TMEM131: variants seen among roughly 807,000 people sequenced by gnomAD.
TMEM131 encodes transmembrane protein 131.
In TMEM131, 66 loss-of-function variants were observed where a neutral mutation model predicts 211.6. That is an observed-to-expected ratio of 0.31 (90% CI 0.26 to 0.38). The LOEUF is 0.38. TMEM131 is among the 10% of genes least tolerant of loss of function. The probability of loss-of-function intolerance (pLI) is 1.00; values close to 1 mark genes in which losing one functional copy is unlikely to be tolerated. For synonymous variants in TMEM131, 844 were observed against 841.3 expected, an observed-to-expected ratio of 1.00 and a Z score of -0.06; for missense variants, 2,036 against 2,299.3, an observed-to-expected ratio of 0.89 and a Z score of 2.34.
chr2:97,833,807 A>T (rs1682819141), intron 10 of TMEM131, among the ~76,000 whole-genome samples: 1 of 151,988 alleles, frequency 6.6e-6, no homozygotes, highest in Admixed American at 6.5e-5. Context: ...ACAGGCATGT[A>T]CCACCATGCC....
chr2:97,885,260 C>T (rs1002810532), intron 4 of TMEM131, among the ~76,000 whole-genome samples: 52 of 145,678 alleles, frequency 3.6e-4, no homozygotes, highest in African/African-American at 1.1e-3. Context: ...GGCAGTGGCG[C>T]GATCTCCGCT....
At chr2:97,864,495 A>G (rs544826638) in intron 4 of TMEM131, among the ~76,000 whole-genome samples, 1 of 152,172 alleles carries the variant, frequency 6.6e-6, no homozygotes. Context: ...GTAATCCATA[A>G]ATATATATAT....
chr2:97,857,692 A>C (rs1308001452), intron 5 of TMEM131, among the ~76,000 whole-genome samples: 1 of 152,196 alleles, frequency 6.6e-6, no homozygotes, highest in Admixed American at 6.5e-5. Context: ...TATTAGGTAC[A>C]GGCCACTCAC....
intron 3 of TMEM131, among the ~76,000 whole-genome samples, chr2:97,893,905 G>A (rs1022019621): frequency 5.9e-5 from 9 of 152,080 alleles, no homozygotes; most frequent in Non-Finnish European, 2.9e-5. Flanking sequence ...GTCAATTTTG[G>A]CTTTTGCTGC....
At position 97,939,666 on chromosome 2, in the gene TMEM131, C is replaced by T. The variant is rs186869175; in HGVS notation, c.188-12179G>A. 2.8e-3 allele frequency among the ~76,000 whole-genome samples: 421 copies of T among 152,314 alleles called. 1 individual carries two copies. Among genetic ancestry groups the T allele is most frequent in the Admixed American group, 6.8e-3 (104 of 15,298 alleles). On this transcript the variant is annotated intron_variant, in intron 1 of 40. Transcript: ENST00000186436. ...CAGAAAAAGAGGGAATCCTCCCTAA[C>T]TCATCTTATGAGGCCAGCAACATCC...
intron 1 of TMEM131, among the ~76,000 whole-genome samples, chr2:97,975,107 T>C (rs998984120): frequency 1.3e-5 from 2 of 152,144 alleles, no homozygotes; most frequent in African/African-American, 4.8e-5. Flanking sequence ...GTATGGTCTC[T>C]GGCCAGAATG....
At chr2:97,993,538 G>C (rs560025818) in intron 1 of TMEM131, among the ~76,000 whole-genome samples, 1 of 152,148 alleles carries the variant, frequency 6.6e-6, no homozygotes, top group African/African-American at 2.4e-5. Flanking sequence ...GTTTATGATG[G>C]GTAGAGGCCT....
At position 97,805,405 on chromosome 2, in the gene TMEM131, C is replaced by G. The variant is rs1272817688; in HGVS notation, c.2255G>C (p.Cys752Ser). ...GGATAGAAAAGGCAAGCCAACATAGCAATGATCCCCACACTGTAGTCCAGG... is the reference window on the plus strand; with the variant it reads ...GGATAGAAAAGGCAAGCCAACATAGGAATGATCCCCACACTGTAGTCCAGG... The part of the protein sequence containing the change: ...FDPGLQCGDH[C>S]YVGLPFLSKS... The change falls in exon 21 of 41, where the codon TGC becomes TCC. Residue 752 changes from cysteine to serine, a missense_variant. Physicochemically the swap from Cys to Ser is moderately radical, Grantham distance 112. Around this residue, in one of 3 missense-constraint regions of TMEM131, gnomAD observed 1,623 missense variants for 1,805.9 expected, o/e 0.90. Coordinates refer to ENST00000186436, the MANE Select transcript of TMEM131 (RefSeq NM_015348.2). 1 of 1,613,782 alleles carries G rather than the reference C, an allele frequency of 6.2e-7. No individual in the cohort carries two copies. The highest frequency in any genetic ancestry group is 8.5e-7 in the Non-Finnish European group (1 of 1,179,830).
At position 97,860,350 on chromosome 2, in the gene TMEM131, A is replaced by G. The variant is rs186523173; in HGVS notation, c.360-923T>C. ...TGCCTGCCCTGTGTTTTTTTTCCCT[A>G]TCCTCCTATACCAATCCAAACCCTC... On this transcript the variant is annotated intron_variant, in intron 4 of 40. Coordinates refer to ENST00000186436, the MANE Select transcript of TMEM131 (RefSeq NM_015348.2). 3.1e-4 allele frequency among the ~76,000 whole-genome samples: 47 copies of G among 151,902 alleles called. No homozygotes were observed. In the East Asian group the frequency reaches 7.8e-3, roughly 25 times the overall value.
At chr2:97,929,696 C>A (rs983126280) in intron 1 of TMEM131, among the ~76,000 whole-genome samples, 1 of 151,824 alleles carries the variant, frequency 6.6e-6, no homozygotes, top group South Asian at 2.1e-4. Context: ...ACAGTGCCAA[C>A]CTGCTCCACT....
At chr2:97,773,467 G>T (rs940473545) in intron 32 of TMEM131, among the ~76,000 whole-genome samples, 2 of 152,160 alleles carry the variant, frequency 1.3e-5, no homozygotes, top group Admixed American at 6.5e-5. Context: ...GTGGAATCTG[G>T]AGTGGGCGGC....
chr2:97,875,074 T>C (rs1050926676), intron 4 of TMEM131, among the ~76,000 whole-genome samples: 1 of 152,112 alleles, frequency 6.6e-6, no homozygotes, highest in African/African-American at 2.4e-5. Context: ...TCCTAATCTC[T>C]GATAAAACAG....
chr2:97,843,081 A>AC (rs1357492106), intron 6 of TMEM131, among the ~76,000 whole-genome samples: 1 of 139,170 alleles, frequency 7.2e-6, no homozygotes, highest in Non-Finnish European at 1.6e-5. Context: ...AAAAAAAAAA[A>AC]AGCACAGGAA....
chr2:97,964,358 G>A (rs1374144900), intron 1 of TMEM131, among the ~76,000 whole-genome samples: 1 of 152,180 alleles, frequency 6.6e-6, no homozygotes, highest in Non-Finnish European at 1.5e-5. Context: ...TCCTATTACT[G>A]AAAATGATAT....
At chr2:97,770,098 C>T (rs1679393459) in intron 33 of TMEM131, among the ~76,000 whole-genome samples, 1 of 152,156 alleles carries the variant, frequency 6.6e-6, no homozygotes, top group Non-Finnish European at 1.5e-5. Context: ...TATTAACACA[C>T]TAAAAGGTGA....
intron 8 of TMEM131, among the ~76,000 whole-genome samples, chr2:97,835,629 A>T (rs1162018721): frequency 6.6e-6 from 1 of 152,038 alleles, no homozygotes; most frequent in African/African-American, 2.4e-5. Context: ...ATTTTAGGAG[A>T]TTCTTGTGTT....
At chr2:97,844,001 C>CAGATTTTAT in intron 6 of TMEM131, 144 bp downstream of exon 6, 1 of 332,972 alleles carries the variant, frequency 3.0e-6, no homozygotes, top group Non-Finnish European at 5.7e-6. Context: ...TAGAGATATT[C>CAGATTTTAT]ACTGTAAGTA....
intron 3 of TMEM131, among the ~76,000 whole-genome samples, chr2:97,890,134 G>T (rs1319580575): frequency 1.3e-5 from 2 of 152,180 alleles, no homozygotes; most frequent in Admixed American, 6.5e-5. Context: ...CAAGAGCCAG[G>T]TCTCCTTGTA....
At chr2:97,766,439 A>C (rs1004994770) in intron 34 of TMEM131, 39 bp downstream of exon 34, 1 of 1,613,428 alleles carries the variant, frequency 6.2e-7, no homozygotes, top group African/African-American at 1.3e-5. Context: ...CTATGAAAAG[A>C]TCCGTAAGAC....
Sources: allele counts gnomAD v4.1 joint callset (sites outside exome capture counted in the v4.1 genomes callset), GRCh38; gene constraint gnomAD v4.1.1; regional missense constraint gnomAD v4.1.1; transcripts MANE v1.5; gene names NCBI Gene and HGNC (gene_info 2026-07-23, HGNC 2026-07-21).